Variants in WDR33 observed in about 807,000 individuals in gnomAD.
The protein encoded by WDR33 is WD repeat domain 33, also known as pre-mRNA 3' end processing protein WDR33.
Under a neutral mutation model 164.9 loss-of-function variants are expected in WDR33, and 47 were observed. The observed-to-expected ratio is 0.29, with a 90% confidence interval of 0.23 to 0.36. The LOEUF is 0.36. Ranked by LOEUF, WDR33 falls within the 10% of genes least tolerant of loss-of-function variation. The pLI is 1.00. For synonymous variants in WDR33, 505 were observed against 589.0 expected, an observed-to-expected ratio of 0.86 and a Z score of 2.06; for missense variants, 1,137 against 1,754.1, an observed-to-expected ratio of 0.65 and a Z score of 6.28.
chr2:127,726,270 G>A lies in WDR33; in HGVS notation c.851+381C>T, dbSNP rs55708893. Among the ~76,000 whole-genome samples, 8 of 152,260 alleles carry A rather than the reference G, an allele frequency of 5.3e-5. No individual in the cohort carries two copies. In the South Asian group the frequency reaches 1.5e-3, roughly 28 times the overall value. On this transcript the variant is annotated intron_variant, in intron 8 of 21. Transcript: ENST00000322313. The surrounding 1 kb of genome is among the most constrained non-coding windows in gnomAD (Gnocchi z 4.8). ...TTCAAAACCAGAAGAAAACCCTCTC[G>A]AAACAGATGTTGTGAGATGGAGAAG... is the stretch of plus-strand genomic sequence containing the variant.
At chr2:127,765,044 C>A in intron 5 of WDR33, 65 bp from the exon 6 acceptor site, 1 of 1,582,484 alleles carries the variant, frequency 6.3e-7, no homozygotes. Context: ...TAAAGGCTTA[C>A]AAGAGCATAT....
chr2:127,803,291 C>T (rs1327520923), intron 1 of WDR33, among the ~76,000 whole-genome samples: 1 of 151,910 alleles, frequency 6.6e-6, no homozygotes, highest in Non-Finnish European at 1.5e-5. Context: ...TTTAAAATAC[C>T]AATGTAGGCC....
At chr2:127,788,257 C>G (rs1405895386) in intron 1 of WDR33, among the ~76,000 whole-genome samples, 1 of 135,834 alleles carries the variant, frequency 7.4e-6, no homozygotes, top group Non-Finnish European at 1.6e-5. Context: ...TGACCCCCCC[C>G]ACCTCCCTCC....
rs1685983304 is a variant in WDR33 at position 127,705,154 on chromosome 2, A to G, written c.*1169T>C. The G allele has an allele frequency of 6.0e-6, 1 of 167,140 alleles. No homozygotes were observed. The highest frequency in any genetic ancestry group is 1.5e-5 in the Non-Finnish European group (1 of 68,128). The allele number at this position is 167,140 out of a possible 1,614,324, so 10.4% of individuals were successfully genotyped here. On this transcript the variant is annotated 3_prime_UTR_variant, in exon 22 of 22. Coordinates refer to ENST00000322313, the MANE Select transcript of WDR33 (RefSeq NM_018383.5). This position sits in a 1 kb window ranked among gnomAD's most constrained non-coding sequence, Gnocchi z 4.5. ...GACTGATGCCAAAACTGAAGCTGCCAATGTAATGAAATGTTAAGGTGGCCA... is the reference window on the plus strand; with the variant it reads ...GACTGATGCCAAAACTGAAGCTGCCGATGTAATGAAATGTTAAGGTGGCCA...
At chr2:127,785,765 G>A (rs1469867831) in intron 1 of WDR33, among the ~76,000 whole-genome samples, 1 of 152,136 alleles carries the variant, frequency 6.6e-6, no homozygotes, top group African/African-American at 2.4e-5. Flanking sequence ...TGGCAATTAT[G>A]AACAAAACTA....
At chr2:127,768,899 T>C in intron 3 of WDR33, 34 bp downstream of exon 3, 1 of 1,535,084 alleles carries the variant, frequency 6.5e-7, no homozygotes, top group African/African-American at 1.4e-5. Flanking sequence ...CAAGGAAGTG[T>C]TTATTAAGCT....
In WDR33 at chr2:127,774,048, C is replaced by CTT. The variant is rs776082351; in HGVS notation, c.-23-3046_-23-3045dup. Among the ~76,000 whole-genome samples the CTT allele has an allele frequency of 2.6e-3, 293 of 110,776 alleles. 2 individuals carry two copies. Among genetic ancestry groups the CTT allele is most frequent in the African/African-American group, 9.4e-3 (260 of 27,582 alleles). The allele number at this position is 110,776 out of a possible 152,430, so 72.7% of individuals were successfully genotyped here. A position where few individuals can be genotyped will look rare whatever the true frequency, so the allele number is the denominator to read the frequency against. The stretch of plus-strand genomic sequence containing the variant: ...GAGCCACCACGCCCAGCCCAAAAGC[C>CTT]TTTTTTTTTTTTTTTTTTTTTAAGA... On this transcript the variant is annotated intron_variant, in intron 1 of 21. Transcript: ENST00000322313.
intron 4 of WDR33, among the ~76,000 whole-genome samples, chr2:127,765,676 AAG>A (rs1488445547): frequency 6.6e-6 from 1 of 152,144 alleles, no homozygotes; most frequent in Non-Finnish European, 1.5e-5. Flanking sequence ...GCTTACAAGT[AAG>A]AGAGGACAAA....
chr2:127,732,108 AACACACACACACACACAC>A (rs71394692), intron 7 of WDR33, among the ~76,000 whole-genome samples: 1,479 of 138,206 alleles, frequency 0.011, 23 homozygotes, highest in African/African-American at 0.034. Context: ...CAACATATAC[AACACACACACACACACAC>A]ACACACACAC....
intron 1 of WDR33, among the ~76,000 whole-genome samples, chr2:127,780,648 G>C (rs1433982897): frequency 6.6e-6 from 1 of 152,234 alleles, no homozygotes; most frequent in East Asian, 1.9e-4. Context: ...AGGATCACTT[G>C]AGGCCAGGAT....
At chr2:127,765,970 C>A (rs1395111601) in intron 4 of WDR33, among the ~76,000 whole-genome samples, 1 of 152,020 alleles carries the variant, frequency 6.6e-6, no homozygotes, top group African/African-American at 2.4e-5. Flanking sequence ...AATGACTATG[C>A]CAATAACTTT....
intron 1 of WDR33, among the ~76,000 whole-genome samples, chr2:127,795,461 C>T (rs1689006884): frequency 6.6e-6 from 1 of 151,910 alleles, no homozygotes; most frequent in African/African-American, 2.4e-5. Flanking sequence ...CTCTAGAACA[C>T]AGCTACACCT....
Position 127,713,454 on chromosome 2 carries a change from T to G in WDR33, c.3308+129A>C, listed in dbSNP as rs1281174595. ...TTTTTAAACGTCCAAATGCAAACTC[T>G]ACAGAGTGCAGGGCTGGTAATTGAT... On this transcript the variant is annotated intron_variant, in intron 18 of 21. Coordinates refer to ENST00000322313, the MANE Select transcript of WDR33 (RefSeq NM_018383.5). This position sits in a 1 kb window ranked among gnomAD's most constrained non-coding sequence, Gnocchi z 6.2. The G allele has an allele frequency of 2.8e-6, 3 of 1,083,732 alleles. No individual in the cohort carries two copies. In the African/African-American group the frequency reaches 4.7e-5, roughly 17 times the overall value. 67.1% of individuals were successfully genotyped at this position (1,083,732 alleles called of 1,614,324 possible). A position where few individuals can be genotyped will look rare whatever the true frequency, so the allele number is the denominator to read the frequency against.
intron 1 of WDR33, among the ~76,000 whole-genome samples, chr2:127,810,398 C>A (rs147761498): frequency 1.3e-3 from 204 of 152,318 alleles, no homozygotes; most frequent in African/African-American, 4.5e-3. Flanking sequence ...TACAAACATT[C>A]ATTGTCATTT....
At chr2:127,730,030 C>T (rs1686665203) in intron 7 of WDR33, among the ~76,000 whole-genome samples, 1 of 152,176 alleles carries the variant, frequency 6.6e-6, no homozygotes, top group Admixed American at 6.5e-5. Flanking sequence ...AATCTGATAA[C>T]ATCAACTGGC....
chr2:127,796,074 AT>A (rs11325131), intron 1 of WDR33, among the ~76,000 whole-genome samples: 56,284 of 139,188 alleles, frequency 0.4, 11,082 homozygotes, highest in South Asian at 0.55. Flanking sequence ...ATTACTGTTA[AT>A]TTTTTTTTTT....
intron 7 of WDR33, among the ~76,000 whole-genome samples, chr2:127,740,217 C>G (rs1686972044): frequency 6.6e-6 from 1 of 152,172 alleles, no homozygotes; most frequent in South Asian, 2.1e-4. Context: ...GTTCCGTCTA[C>G]ATTTTCTCTA....
chr2:127,737,799 G>A, intron 7 of WDR33: 1 of 1,311,974 alleles, frequency 7.6e-7, no homozygotes, highest in Non-Finnish European at 9.7e-7. Context: ...CTTTCAGTTG[G>A]CCAGATTAAG....
rs1480731776 is a variant in WDR33, at chr2:127,713,699, C to T, written c.3192G>A (p.Gly1064=). The change falls in exon 18 of 22, where the codon GGG becomes GGA. Residue 1064 remains glycine, a synonymous_variant. Transcript: ENST00000322313. This position sits in a 1 kb window ranked among gnomAD's most constrained non-coding sequence, Gnocchi z 6.2. Reference sequence around the variant, plus strand: ...GGCCTCGGGCTGCACCCCGGCCATCCCCCTCGCTGAATTCCCTGTGATCAG... The same window carrying T: ...GGCCTCGGGCTGCACCCCGGCCATCTCCCTCGCTGAATTCCCTGTGATCAG... ...FPPDHREFSE[G]DGRGAARGPP... 6.2e-7 allele frequency: 1 copy of T among 1,614,228 alleles called. No homozygotes were observed. The highest frequency in any genetic ancestry group is 2.2e-5 in the East Asian group (1 of 44,890).
Sources: gnomAD v4.1 joint callset for allele counts (sites outside exome capture counted in the v4.1 genomes callset) on GRCh38, gnomAD v4.1.1 for gene constraint, Gnocchi (gnomAD v3.1) non-coding constraint, MANE v1.5 for transcripts, NCBI Gene and HGNC (gene_info 2026-07-23, HGNC 2026-07-21) for gene names.